MYO5B: variants seen among roughly 807,000 people sequenced by gnomAD.
The protein encoded by MYO5B is myosin VB, also known as unconventional myosin-Vb.
MYO5B carries 143 observed loss-of-function variants against 229.3 expected under a neutral mutation model. The observed-to-expected ratio is 0.62, with a 90% CI of 0.54 to 0.72. The LOEUF (loss-of-function observed/expected upper bound fraction) is 0.72. Among genes scored for constraint, MYO5B ranks in the 30% least tolerant of loss-of-function variants. The pLI, the probability that MYO5B is intolerant of heterozygous loss-of-function variation, is 0.00. For missense variants in MYO5B, 2,321 were observed against 2,331.0 expected, an observed-to-expected ratio of 1.00 and a Z score of 0.09; for synonymous variants, 918 against 885.2, an observed-to-expected ratio of 1.04 and a Z score of -0.66.
intron 2 of MYO5B, among the ~76,000 whole-genome samples, chr18:50,048,473 A>T (rs1331659046): frequency 2.0e-5 from 3 of 152,160 alleles, no homozygotes; most frequent in African/African-American, 7.2e-5. Flanking sequence ...CACTGACACC[A>T]ACATGCTGCC....
rs546223896 is a variant in MYO5B at position 50,146,329 on chromosome 18, G to C, written c.27+48438C>G. On this transcript the variant is annotated intron_variant, in intron 1 of 39. Transcript: ENST00000285039. ...TGGCAGAGTCTTATCCAACTGGAAG[G>C]AAGAACTTTGGAAAGCCCTCTTCCT... is the stretch of plus-strand genomic sequence containing the variant. Among the ~76,000 whole-genome samples the C allele has an allele frequency of 8.5e-5, 13 of 152,340 alleles. No individual in the cohort carries two copies. In the South Asian group the frequency reaches 2.5e-3, roughly 29 times the overall value.
intron 17 of MYO5B, among the ~76,000 whole-genome samples, chr18:49,914,818 G>A (rs567331702): frequency 2.6e-5 from 4 of 151,210 alleles, no homozygotes; most frequent in East Asian, 1.9e-4. Flanking sequence ...AAAAAGAAAC[G>A]AGTGCTGTGG....
chr18:49,842,537 A>C (rs1445484923), intron 34 of MYO5B, among the ~76,000 whole-genome samples: 1 of 152,248 alleles, frequency 6.6e-6, no homozygotes, highest in Non-Finnish European at 1.5e-5. Flanking sequence ...CTCGGGGCAC[A>C]GGCCTGCTAG....
chr18:50,068,017 GTACA>G lies in MYO5B; in HGVS notation c.28-12643_28-12640del, dbSNP rs1354040535. Among the ~76,000 whole-genome samples the G allele has an allele frequency of 2.1e-5, 3 of 143,272 alleles. No homozygotes were observed. In the Admixed American group the frequency reaches 2.2e-4, roughly 11 times the overall value. 94.0% of individuals were successfully genotyped at this position (143,272 alleles called of 152,430 possible). ...TACATACATACATATATACACACAC[GTACA>G]TACATATATATATACACACATATAC... is the stretch of plus-strand genomic sequence containing the variant. On this transcript the variant is annotated intron_variant, in intron 1 of 39. Transcript: ENST00000285039.
intron 1 of MYO5B, among the ~76,000 whole-genome samples, chr18:50,183,479 G>A (rs192593341): frequency 2.6e-5 from 4 of 151,898 alleles, no homozygotes; most frequent in Admixed American, 2.6e-4. Flanking sequence ...GCTTCCAGGA[G>A]TCTCAGGTCA....
chr18:50,038,438 G>GA (rs1375507808), intron 3 of MYO5B, among the ~76,000 whole-genome samples: 1 of 152,208 alleles, frequency 6.6e-6, no homozygotes, highest in Non-Finnish European at 1.5e-5. Context: ...AAGTTTGCCT[G>GA]AAAAGACCAA....
At chr18:49,851,323 G>T (rs2024198265) in intron 31 of MYO5B, among the ~76,000 whole-genome samples, 1 of 152,120 alleles carries the variant, frequency 6.6e-6, no homozygotes, top group South Asian at 2.1e-4. Flanking sequence ...ACATGCCTGG[G>T]TGTCTAACCC....
chr18:49,921,185 T>C (rs936532040), intron 17 of MYO5B, among the ~76,000 whole-genome samples: 1 of 151,888 alleles, frequency 6.6e-6, no homozygotes, highest in Admixed American at 6.6e-5. Context: ...GAAGTGGAAG[T>C]CTTTTCAGAA....
At chr18:50,023,874 G>A (rs767805169) in intron 4 of MYO5B, among the ~76,000 whole-genome samples, 1 of 152,112 alleles carries the variant, frequency 6.6e-6, no homozygotes, top group South Asian at 2.1e-4. Context: ...GATGCTGAAA[G>A]ATGAAACCCT....
At chr18:49,882,250 C>G (rs2024594841) in intron 22 of MYO5B, among the ~76,000 whole-genome samples, 1 of 152,132 alleles carries the variant, frequency 6.6e-6, no homozygotes. Flanking sequence ...GTGATCACAT[C>G]CTAAGTGTGG....
chr18:49,934,947 G>T (rs2025233272), intron 16 of MYO5B, among the ~76,000 whole-genome samples: 10 of 152,230 alleles, frequency 6.6e-5, no homozygotes, highest in Admixed American at 5.9e-4. Flanking sequence ...CATGGGGAAG[G>T]AAAGATGGGA....
intron 2 of MYO5B, among the ~76,000 whole-genome samples, chr18:50,043,552 G>A (rs536257584): frequency 8.9e-6 from 1 of 112,294 alleles, no homozygotes; most frequent in Non-Finnish European, 1.7e-5. Flanking sequence ...AAATATAAAT[G>A]TATTTATAAG....
intron 14 of MYO5B, among the ~76,000 whole-genome samples, chr18:49,951,753 G>A (rs1787585): frequency 0.23 from 35,144 of 152,044 alleles, 5,800 homozygotes; most frequent in African/African-American, 0.47. Context: ...AGACAACAGA[G>A]TTTTCTGGCC....
chr18:49,984,579 T>A, intron 8 of MYO5B, 139 bp downstream of exon 8: 1 of 724,950 alleles, frequency 1.4e-6, no homozygotes, highest in Non-Finnish European at 2.5e-6. Flanking sequence ...GAGTAAGAGA[T>A]GACATTCACC....
chr18:49,850,028 A>T, intron 31 of MYO5B: 1 of 362,826 alleles, frequency 2.8e-6, no homozygotes, highest in South Asian at 2.3e-5. Flanking sequence ...CGCCCTGGGA[A>T]GGAACGGACA....
intron 1 of MYO5B, among the ~76,000 whole-genome samples, chr18:50,188,795 A>C (rs1229023416): frequency 1.7e-5 from 2 of 116,912 alleles, no homozygotes; most frequent in African/African-American, 6.7e-5. Context: ...TAAAAAAAAA[A>C]AAAAAAAAAA....
chr18:50,023,953 ACCT>A (rs1217730846), intron 4 of MYO5B, among the ~76,000 whole-genome samples: 2 of 152,184 alleles, frequency 1.3e-5, no homozygotes, highest in Non-Finnish European at 2.9e-5. Context: ...TCTATGCACT[ACCT>A]CAACACATAC....
At chr18:50,162,184 C>T (rs548422755) in intron 1 of MYO5B, among the ~76,000 whole-genome samples, 73 of 152,248 alleles carry the variant, frequency 4.8e-4, no homozygotes, top group Non-Finnish European at 8.8e-4. Flanking sequence ...ATGGCCCAAA[C>T]TCAGTCTTCA....
chr18:50,121,495 A>G (rs2032057370), intron 1 of MYO5B, among the ~76,000 whole-genome samples: 1 of 152,236 alleles, frequency 6.6e-6, no homozygotes, highest in Non-Finnish European at 1.5e-5. Flanking sequence ...AGCAGCATTC[A>G]CCAGAGGACT....
Sources: allele counts gnomAD v4.1 joint callset (sites outside exome capture counted in the v4.1 genomes callset), GRCh38; gene constraint gnomAD v4.1.1; transcripts MANE v1.5; gene names NCBI Gene and HGNC (gene_info 2026-07-23, HGNC 2026-07-21).